HIPK2: variants seen among roughly 807,000 people sequenced by gnomAD.
HIPK2 encodes homeodomain interacting protein kinase 2, also known as homeodomain-interacting protein kinase 2.
A neutral mutation model predicts 113.7 loss-of-function variants in HIPK2; 27 were observed. The ratio of observed to expected loss-of-function variants is 0.24; its 90% CI spans 0.17 to 0.33. HIPK2 has a LOEUF of 0.33. Ranked by LOEUF, HIPK2 falls within the 10% of genes least tolerant of loss-of-function variation. The probability of loss-of-function intolerance (pLI) is 1.00; values close to 1 mark genes in which losing one functional copy is unlikely to be tolerated. For synonymous variants in HIPK2, 631 were observed against 642.2 expected (o/e 0.98, Z 0.26); for missense variants, 1,257 against 1,588.0 (o/e 0.79, Z 3.54).
intron 11 of HIPK2, among the ~76,000 whole-genome samples, chr7:139,598,435 A>G (rs775908249): frequency 6.6e-6 from 1 of 152,156 alleles, no homozygotes; most frequent in Non-Finnish European, 1.5e-5. Context: ...AAACCTATGT[A>G]TTTGTCGTTG....
rs147143643 is a variant in HIPK2, at chr7:139,765,285, C to T, written c.19+12320G>A. ...AACCTCAATGTTACATAGAATTACA[C>T]TGAGGAATAACTCATGATAGTAAAT... On this transcript the variant is annotated intron_variant, in intron 1 of 14. Coordinates refer to ENST00000406875, the MANE Select transcript of HIPK2 (RefSeq NM_022740.5). Among the ~76,000 whole-genome samples the T allele has an allele frequency of 3.3e-3, 501 of 152,280 alleles. 4 individuals are homozygous for T. Among genetic ancestry groups the T allele is most frequent in the African/African-American group, 0.01 (424 of 41,542 alleles).
chr7:139,645,671 G>A (rs1374013327), intron 2 of HIPK2, among the ~76,000 whole-genome samples: 1 of 152,166 alleles, frequency 6.6e-6, no homozygotes, highest in Non-Finnish European at 1.5e-5. Context: ...GCGGTGAGGG[G>A]AGCCAGGTGG....
chr7:139,667,154 T>C (rs959846324), intron 2 of HIPK2, among the ~76,000 whole-genome samples: 6 of 152,276 alleles, frequency 3.9e-5, no homozygotes, highest in East Asian at 1.9e-4. Flanking sequence ...GTTGTAATCA[T>C]AGTATCATAT....
intron 10 of HIPK2, among the ~76,000 whole-genome samples, chr7:139,603,224 CA>C (rs1423776271): frequency 6.6e-6 from 1 of 152,014 alleles, no homozygotes; most frequent in Non-Finnish European, 1.5e-5. Context: ...TGGAGGCTGT[CA>C]GGGGGTTGAG....
Position 139,572,922 on chromosome 7 carries a change from A to T in HIPK2, c.*5T>A. 1 of 158,042 alleles carries T rather than the reference A, an allele frequency of 6.3e-6. No homozygotes were observed. Among genetic ancestry groups the T allele is most frequent in the Non-Finnish European group, 1.2e-5 (1 of 81,292 alleles). 9.8% of individuals were successfully genotyped at this position (158,042 alleles called of 1,614,324 possible). On this transcript the variant is annotated 3_prime_UTR_variant, in exon 15 of 15. Transcript: ENST00000406875. ...CTCCCTCCCTCCCTCCCTCCCCTCC[A>T]GTGTTTATATGTAAGGGTACTGGTT...
At position 139,683,154 on chromosome 7, in the gene HIPK2, C is replaced by T. The variant is rs757968975; in HGVS notation, c.1103+32778G>A. ...CAATATTTAGCATTACCTGGAAGGG[C>T]CTGGCTCTCACCTCGGAGCCTGGAC... On this transcript the variant is annotated intron_variant, in intron 2 of 14. Transcript: ENST00000406875. This position sits in a 1 kb window ranked among gnomAD's most constrained non-coding sequence, Gnocchi z 4.2. Among the ~76,000 whole-genome samples the T allele has an allele frequency of 5.9e-5, 9 of 152,180 alleles. No individual in the cohort carries two copies. The highest frequency in any genetic ancestry group is 1.2e-4 in the Non-Finnish European group (8 of 68,030).
rs1174452709 is a variant in HIPK2, at chr7:139,561,910, A to ATGAT, written c.*11013_*11016dup. 6.6e-6 allele frequency: 1 copy of ATGAT among 152,248 alleles called. No individual in the cohort carries two copies. The allele number at this position is 152,248 out of a possible 1,614,324, so 9.4% of individuals were successfully genotyped here. A position where few individuals can be genotyped will look rare whatever the true frequency, so the allele number is the denominator to read the frequency against. On this transcript the variant is annotated 3_prime_UTR_variant, in exon 15 of 15. Coordinates refer to ENST00000406875, the MANE Select transcript of HIPK2 (RefSeq NM_022740.5). ...TTCACTCCATTTTTCTACAACGAAA[A>ATGAT]TGATTAATTTAGAAGCACACGACGT... is the stretch of plus-strand genomic sequence containing the variant.
chr7:139,606,700 A>G (rs950059180), intron 9 of HIPK2, among the ~76,000 whole-genome samples: 1 of 152,218 alleles, frequency 6.6e-6, no homozygotes, highest in Non-Finnish European at 1.5e-5. Flanking sequence ...CCAAGAGAAA[A>G]TAACTACAGA....
chr7:139,607,463 A>G (rs1799659180), intron 9 of HIPK2, among the ~76,000 whole-genome samples: 1 of 152,192 alleles, frequency 6.6e-6, no homozygotes, highest in African/African-American at 2.4e-5. Flanking sequence ...AAAAAACAAC[A>G]TACTGAGATC....
At chr7:139,604,533 T>C (rs1422788668) in intron 9 of HIPK2, among the ~76,000 whole-genome samples, 2 of 151,672 alleles carry the variant, frequency 1.3e-5, no homozygotes, top group Non-Finnish European at 2.9e-5. Context: ...TACAAAAAAT[T>C]AGCTGGGCGT....
intron 2 of HIPK2, among the ~76,000 whole-genome samples, chr7:139,708,858 T>G (rs545175696): frequency 6.6e-6 from 1 of 152,296 alleles, no homozygotes; most frequent in African/African-American, 2.4e-5. Context: ...CACCTGTGCC[T>G]GCATGTCACA....
At chr7:139,751,130 A>G (rs926539820) in intron 1 of HIPK2, among the ~76,000 whole-genome samples, 2 of 152,250 alleles carry the variant, frequency 1.3e-5, no homozygotes, top group Non-Finnish European at 2.9e-5. Context: ...GGTGAATTAC[A>G]AATAATCAAA....
At chr7:139,752,348 C>T (rs185905090) in intron 1 of HIPK2, among the ~76,000 whole-genome samples, 1 of 152,358 alleles carries the variant, frequency 6.6e-6, no homozygotes, top group African/African-American at 2.4e-5. Flanking sequence ...CCCAAACTAT[C>T]TTGTTCACAG....
chr7:139,775,660 T>C (rs2117189337), intron 1 of HIPK2, among the ~76,000 whole-genome samples: 1 of 152,230 alleles, frequency 6.6e-6, no homozygotes, highest in Non-Finnish European at 1.5e-5. Context: ...CATGAGACTT[T>C]TGAGATCCAT....
chr7:139,575,528 A>C (rs1798462543), intron 13 of HIPK2, among the ~76,000 whole-genome samples: 2 of 152,180 alleles, frequency 1.3e-5, no homozygotes, highest in South Asian at 4.1e-4. Flanking sequence ...GAATGAAGCA[A>C]GGGAAAGCGG....
chr7:139,719,862 C>T (rs1435370469), intron 1 of HIPK2, among the ~76,000 whole-genome samples: 1 of 152,234 alleles, frequency 6.6e-6, no homozygotes, highest in African/African-American at 2.4e-5. Flanking sequence ...CAAATCTAGA[C>T]ATCTCATCTA....
intron 7 of HIPK2, among the ~76,000 whole-genome samples, chr7:139,615,977 T>C (rs1003740216): frequency 2.0e-5 from 3 of 152,186 alleles, no homozygotes; most frequent in Admixed American, 6.5e-5. Context: ...ACATGACTTG[T>C]ATTTCCTGTT....
chr7:139,699,302 T>G (rs1445419543), intron 2 of HIPK2, among the ~76,000 whole-genome samples: 1 of 152,146 alleles, frequency 6.6e-6, no homozygotes, highest in African/African-American at 2.4e-5. Flanking sequence ...AACATTCAAT[T>G]TCTATGGCAA....
chr7:139,580,640 C>T (rs1798637904), intron 13 of HIPK2, among the ~76,000 whole-genome samples: 1 of 152,230 alleles, frequency 6.6e-6, no homozygotes, highest in African/African-American at 2.4e-5. Flanking sequence ...GGGGTGCTTA[C>T]AGCACAGATA....
Sources: gnomAD v4.1 joint callset for allele counts (sites outside exome capture counted in the v4.1 genomes callset) on GRCh38, gnomAD v4.1.1 for gene constraint, Gnocchi (gnomAD v3.1) non-coding constraint, MANE v1.5 for transcripts, NCBI Gene and HGNC (gene_info 2026-07-23, HGNC 2026-07-21) for gene names.